ANKFY1: variants seen among roughly 807,000 people sequenced by gnomAD.
ANKFY1 encodes the protein ankyrin repeat and FYVE domain-containing protein 1.
A neutral mutation model predicts 128.3 loss-of-function variants in ANKFY1; 47 were observed. That is an observed-to-expected ratio of 0.37 (90% CI 0.29 to 0.47). ANKFY1 has a LOEUF of 0.47. Ranked by LOEUF, ANKFY1 falls within the 20% of genes least tolerant of loss-of-function variation. The pLI, the probability that ANKFY1 is intolerant of heterozygous loss-of-function variation, is 1.00. For synonymous variants in ANKFY1, 553 were observed against 601.6 expected (o/e 0.92, Z 1.18); for missense variants, 1,222 against 1,510.6 (o/e 0.81, Z 3.17).
intron 2 of ANKFY1, among the ~76,000 whole-genome samples, chr17:4,240,868 C>T (rs1019360096): frequency 6.6e-6 from 1 of 152,192 alleles, no homozygotes; most frequent in Non-Finnish European, 1.5e-5. Context: ...CCTAAACTGG[C>T]CCCCTCCCTG....
intron 2 of ANKFY1, among the ~76,000 whole-genome samples, chr17:4,236,806 G>GA (rs896354171): frequency 5.3e-5 from 8 of 150,588 alleles, no homozygotes; most frequent in African/African-American, 1.5e-4. Context: ...AAAAGAAAAA[G>GA]AAAAAAAAAT....
chr17:4,244,436 G>A (rs1967423655), intron 1 of ANKFY1, among the ~76,000 whole-genome samples: 2 of 152,034 alleles, frequency 1.3e-5, no homozygotes. Flanking sequence ...TCTTGAGAAG[G>A]GATGAGATAG....
chr17:4,243,932 A>ATTT (rs113664000), intron 1 of ANKFY1, among the ~76,000 whole-genome samples: 8 of 144,514 alleles, frequency 5.5e-5, no homozygotes, highest in Non-Finnish European at 6.1e-5. Flanking sequence ...AAGATAAACA[A>ATTT]TTTTTTTTTT....
chr17:4,241,860 C>T (rs1408600949), intron 2 of ANKFY1, among the ~76,000 whole-genome samples: 1 of 151,766 alleles, frequency 6.6e-6, no homozygotes, highest in African/African-American at 2.4e-5. Context: ...GAGGCCGAGG[C>T]AGGCGGACCA....
At chr17:4,179,633 G>A (rs935730252) in intron 17 of ANKFY1, 88 bp downstream of exon 17, 78 of 1,509,288 alleles carry the variant, frequency 5.2e-5, no homozygotes, top group Non-Finnish European at 5.1e-5. Flanking sequence ...GCCTGGAACT[G>A]GGGACTGTGC....
In ANKFY1 at chr17:4,195,777, CA is replaced by C. The variant is rs138848931; in HGVS notation, c.1104-307del. Among the ~76,000 whole-genome samples, 296 of 152,306 alleles carry C rather than the reference CA, an allele frequency of 1.9e-3. 1 individual carries two copies. The highest frequency in any genetic ancestry group is 6.6e-3 in the African/African-American group (275 of 41,562). On this transcript the variant is annotated intron_variant, in intron 8 of 24. Coordinates refer to ENST00000341657, the MANE Select transcript of ANKFY1 (RefSeq NM_001330063.2). ...TTCTTGAGAACAGCAGTTTCTGCCA[CA>C]GGTGTGCAGATTTTCCCTCATCTCT... is the stretch of plus-strand genomic sequence containing the variant.
At chr17:4,209,497 C>T (rs2060088304) in intron 5 of ANKFY1, among the ~76,000 whole-genome samples, 1 of 152,182 alleles carries the variant, frequency 6.6e-6, no homozygotes, top group African/African-American at 2.4e-5. Context: ...GATGGGGTTT[C>T]ACCATGTTGG....
rs1356997391 is a variant in ANKFY1, at chr17:4,181,191, G to C, written c.2240+63C>G. On this transcript the variant is annotated intron_variant, in intron 16 of 24. Transcript: ENST00000341657. This position sits in a 1 kb window ranked among gnomAD's most constrained non-coding sequence, Gnocchi z 4.9. ...CAAGACTATAGACGGATTTAAAAAGGAAAGAGCCAGTTTGCAACAAGCTCA... is the reference window on the plus strand; with the variant it reads ...CAAGACTATAGACGGATTTAAAAAGCAAAGAGCCAGTTTGCAACAAGCTCA... 18 of 1,373,574 alleles carry C rather than the reference G, an allele frequency of 1.3e-5. No homozygotes were observed. The highest frequency in any genetic ancestry group is 7.0e-5 in the South Asian group (6 of 85,760). The allele number at this position is 1,373,574 out of a possible 1,614,324, so 85.1% of individuals were successfully genotyped here.
In ANKFY1 at chr17:4,263,847, C is replaced by T. The variant is rs1208481795; in HGVS notation, c.10+85G>A. 8.1e-6 allele frequency: 13 copies of T among 1,612,156 alleles called. No homozygotes were observed. The East Asian group carries it at 2.7e-4, about 33-fold the overall frequency. Reference sequence around the variant, plus strand: ...GAGCCCCCATGCAACCACGCCCGGCCTTCCCCTCCCACGGCAGCTTCGCAC... The same window carrying T: ...GAGCCCCCATGCAACCACGCCCGGCTTTCCCCTCCCACGGCAGCTTCGCAC... On this transcript the variant is annotated intron_variant, in intron 1 of 24. Transcript: ENST00000341657.
intron 4 of ANKFY1, among the ~76,000 whole-genome samples, chr17:4,211,410 A>T (rs1047984111): frequency 6.6e-6 from 1 of 151,660 alleles, no homozygotes; most frequent in Non-Finnish European, 1.5e-5. Flanking sequence ...AAAAAAAAAA[A>T]TTAGAAAAAA....
rs574990390 is a variant in ANKFY1, at chr17:4,189,527, G to A, written c.1373-48C>T. 2.4e-5 allele frequency: 35 copies of A among 1,477,174 alleles called. 1 individual carries two copies. The South Asian group carries it at 3.4e-4, about 14-fold the overall frequency. 91.5% of individuals were successfully genotyped at this position (1,477,174 alleles called of 1,614,324 possible). ...GATTCTTCTGTTTGCATCAAAATGCGGTCACGCTGCACAACACCCTGCTCT... is the reference window on the plus strand; with the variant it reads ...GATTCTTCTGTTTGCATCAAAATGCAGTCACGCTGCACAACACCCTGCTCT... On this transcript the variant is annotated intron_variant, in intron 10 of 24. Transcript: ENST00000341657.
intron 11 of ANKFY1, among the ~76,000 whole-genome samples, chr17:4,185,870 C>T (rs1276344112): frequency 1.3e-5 from 2 of 152,204 alleles, no homozygotes; most frequent in South Asian, 2.1e-4. Flanking sequence ...TAAGCCCCGG[C>T]AATCGGCAGC....
At chr17:4,210,829 C>G (rs1011442021) in intron 4 of ANKFY1, among the ~76,000 whole-genome samples, 1 of 149,564 alleles carries the variant, frequency 6.7e-6, no homozygotes, top group Non-Finnish European at 1.5e-5. Context: ...GTCAGGAGCT[C>G]GAGACCAGCC....
intron 11 of ANKFY1, 115 bp from the exon 12 acceptor site, chr17:4,185,161 C>T (rs1446180749): frequency 2.3e-6 from 2 of 855,086 alleles, no homozygotes; most frequent in African/African-American, 1.7e-5. Context: ...GCCAGCTGCC[C>T]CTCCTGACTT....
rs112315306 is a variant in ANKFY1, at chr17:4,228,296, C to T, written c.322+7476G>A. 7.6e-3 allele frequency among the ~76,000 whole-genome samples: 1,164 copies of T among 152,262 alleles called. 18 individuals are homozygous for T. The highest frequency in any genetic ancestry group is 0.027 in the African/African-American group (1,104 of 41,542). On this transcript the variant is annotated intron_variant, in intron 3 of 24. Coordinates refer to ENST00000341657, the MANE Select transcript of ANKFY1 (RefSeq NM_001330063.2). ...TTGCACTTCTATAAAAGCCTAGAAACTGCAAACTAATCTATAATGACTGAA... is the reference window on the plus strand; with the variant it reads ...TTGCACTTCTATAAAAGCCTAGAAATTGCAAACTAATCTATAATGACTGAA...
chr17:4,210,964 G>A (rs979368718), intron 4 of ANKFY1, among the ~76,000 whole-genome samples: 3 of 151,954 alleles, frequency 2.0e-5, no homozygotes, highest in Non-Finnish European at 2.9e-5. Context: ...CCCAGGAGGC[G>A]GAGATTGCAG....
chr17:4,228,009 T>C (rs1303462220), intron 3 of ANKFY1, among the ~76,000 whole-genome samples: 1 of 152,082 alleles, frequency 6.6e-6, no homozygotes, highest in Non-Finnish European at 1.5e-5. Context: ...TCAAGAGATA[T>C]AAAAACATGT....
intron 3 of ANKFY1, among the ~76,000 whole-genome samples, chr17:4,227,498 A>G (rs938404147): frequency 1.3e-5 from 2 of 152,234 alleles, no homozygotes; most frequent in African/African-American, 4.8e-5. Flanking sequence ...TAACTTATCT[A>G]GAAAACCAGG....
At chr17:4,206,594 T>G in intron 6 of ANKFY1, 108 bp from the exon 7 acceptor site, 1 of 1,038,024 alleles carries the variant, frequency 9.6e-7, no homozygotes, top group African/African-American at 1.6e-5. Context: ...AATGTCAAAT[T>G]TAAGTGCTCC....
Sources: gnomAD v4.1 joint callset for allele counts (sites outside exome capture counted in the v4.1 genomes callset) on GRCh38, gnomAD v4.1.1 for gene constraint, Gnocchi (gnomAD v3.1) non-coding constraint, MANE v1.5 for transcripts, NCBI Gene and HGNC (gene_info 2026-07-23, HGNC 2026-07-21) for gene names.